Variants in NMU observed in about 807,000 individuals in gnomAD.
The protein encoded by NMU is neuromedin-U.
NMU carries 29 observed loss-of-function variants against 35.4 expected under a neutral mutation model. The ratio of observed to expected loss-of-function variants is 0.82; its 90% CI spans 0.61 to 1.12. NMU has a LOEUF of 1.12. Among genes scored for constraint, NMU ranks in the 50% most tolerant of loss-of-function variants. The pLI is 0.00. For missense variants in NMU, 199 were observed against 206.2 expected, an observed-to-expected ratio of 0.97 and a Z score of 0.21; for synonymous variants, 78 against 81.3, an observed-to-expected ratio of 0.96 and a Z score of 0.22.
chr4:55,605,262 T>TTG lies in NMU; in HGVS notation c.435+11_435+12dup, dbSNP rs1398602887. 1.9e-6 allele frequency: 3 copies of TTG among 1,589,790 alleles called. No homozygotes were observed. The South Asian group carries it at 3.3e-5, about 18-fold the overall frequency. The stretch of plus-strand genomic sequence containing the variant: ...CGGAATGGCAAAGCCAGCATGCAGT[T>TTG]TGTATTACATACGTCCACTCTGAAT... On this transcript the variant is annotated intron_variant, in intron 7 of 9. Coordinates refer to ENST00000264218, the MANE Select transcript of NMU (RefSeq NM_006681.4).
In NMU at chr4:55,636,270, G is replaced by T; in HGVS notation, c.-78C>A. 1 of 1,402,186 alleles carries T rather than the reference G, an allele frequency of 7.1e-7. No homozygotes were observed. The allele number at this position is 1,402,186 out of a possible 1,614,324, so 86.9% of individuals were successfully genotyped here. A position where few individuals can be genotyped will look rare whatever the true frequency, so the allele number is the denominator to read the frequency against. ...AGCTGGTGCTCCACCTGGTGCCCTG[G>T]CTGTGCCTCGGGGCCCGGACACAGG... On this transcript the variant is annotated 5_prime_UTR_variant, in exon 1 of 10. Transcript: ENST00000264218. The surrounding 1 kb of genome is among the most constrained non-coding windows in gnomAD (Gnocchi z 4.0).
intron 3 of NMU, among the ~76,000 whole-genome samples, chr4:55,612,021 G>A (rs1416660036): frequency 6.6e-6 from 1 of 152,206 alleles, no homozygotes. Flanking sequence ...CTTCTGATTT[G>A]TAGATATTAT....
chr4:55,604,027 A>ATATATATGTATATATACATGTGTATAT (rs1733567304), intron 7 of NMU, among the ~76,000 whole-genome samples: 1 of 29,002 alleles, frequency 3.4e-5, no homozygotes, highest in African/African-American at 1.0e-4. Context: ...GTATATATAT[A>ATATATATGTATATATACATGTGTATAT]ATCCTAGAAA....
At chr4:55,605,820 C>T (rs1470850717) in intron 6 of NMU, among the ~76,000 whole-genome samples, 2 of 152,144 alleles carry the variant, frequency 1.3e-5, no homozygotes, top group Admixed American at 6.5e-5. Flanking sequence ...ATACTTAAAA[C>T]GGAAACGTTG....
intron 2 of NMU, among the ~76,000 whole-genome samples, chr4:55,618,058 GGCTCTAAT>G (rs1455191332): frequency 1.3e-5 from 2 of 152,140 alleles, no homozygotes; most frequent in Non-Finnish European, 2.9e-5. Flanking sequence ...CTCAGCATAT[GGCTCTAAT>G]GGTTTTGAAT....
At chr4:55,604,679 A>ATTTTTTCTTTTTTTTTT in intron 7 of NMU, among the ~76,000 whole-genome samples, 1 of 47,610 alleles carries the variant, frequency 2.1e-5, no homozygotes, top group Admixed American at 3.9e-4. Flanking sequence ...TGCCTGGCTA[A>ATTTTTTCTTTTTTTTTT]TTTTTTTTTT....
chr4:55,606,960 G>A (rs1733706733), intron 6 of NMU, among the ~76,000 whole-genome samples: 1 of 152,090 alleles, frequency 6.6e-6, no homozygotes, highest in South Asian at 2.1e-4. Context: ...TTACAGGCAT[G>A]AGCCACCATA....
chr4:55,597,216 ATAT>A (rs1733219541), intron 9 of NMU, among the ~76,000 whole-genome samples: 2 of 151,942 alleles, frequency 1.3e-5, no homozygotes, highest in South Asian at 4.1e-4. Context: ...TTTTGTATTA[ATAT>A]TATGCTGGCT....
intron 1 of NMU, among the ~76,000 whole-genome samples, chr4:55,634,006 C>T (rs570469408): frequency 2.0e-5 from 3 of 151,850 alleles, no homozygotes; most frequent in African/African-American, 4.9e-5. Context: ...CCTTTATCTT[C>T]GCATGGCCAT....
chr4:55,636,315 G>A, upstream of NMU: 12 of 1,322,112 alleles, frequency 9.1e-6, no homozygotes, highest in South Asian at 1.8e-4. This position sits in a 1 kb window ranked among gnomAD's most constrained non-coding sequence, Gnocchi z 4.0. Context: ...CCGGCGAGCC[G>A]CCAACTTTTA....
At chr4:55,633,836 T>C (rs1367178000) in intron 1 of NMU, among the ~76,000 whole-genome samples, 1 of 152,228 alleles carries the variant, frequency 6.6e-6, no homozygotes, top group Non-Finnish European at 1.5e-5. Context: ...ACTCCTTAAC[T>C]TAGTCTTGAC....
chr4:55,627,710 A>G (rs990511685), intron 2 of NMU, among the ~76,000 whole-genome samples: 7 of 152,206 alleles, frequency 4.6e-5, no homozygotes, highest in Non-Finnish European at 7.3e-5. Context: ...TATTGGTATT[A>G]TATCCAAAAT....
At chr4:55,608,734 C>T (rs1323485967) in intron 4 of NMU, among the ~76,000 whole-genome samples, 2 of 151,566 alleles carry the variant, frequency 1.3e-5, no homozygotes, top group African/African-American at 4.9e-5. Flanking sequence ...TAATGCCCTA[C>T]TCTCCCACAA....
At position 55,608,686 on chromosome 4, in the gene NMU, A is replaced by ACAATG. The variant is rs370973239; in HGVS notation, c.279+429_279+433dup. Among the ~76,000 whole-genome samples the ACAATG allele has an allele frequency of 1.7e-3, 264 of 151,310 alleles. 1 individual carries two copies. The highest frequency in any genetic ancestry group is 6.1e-3 in the African/African-American group (251 of 41,308). ...CAGGTAATTTTAATAAGAAACCAAGACAATGACAATACAGTTTGCTTTTTT... is the reference window on the plus strand; with the variant it reads ...CAGGTAATTTTAATAAGAAACCAAGACAATGCAATGACAATACAGTTTGCTTTTTT... On this transcript the variant is annotated intron_variant, in intron 4 of 9. Transcript: ENST00000264218.
chr4:55,616,396 C>T lies in NMU; in HGVS notation c.172-11G>A. The T allele has an allele frequency of 6.2e-7, 1 of 1,605,276 alleles. No individual in the cohort carries two copies. Among genetic ancestry groups the T allele is most frequent in the Non-Finnish European group, 8.5e-7 (1 of 1,172,108 alleles). Reference sequence around the variant, plus strand: ...ACAAGTATCATCTATCTGTAGAAAACAAAAATGTCAGTTACATCCTGGGAA... The same window carrying T: ...ACAAGTATCATCTATCTGTAGAAAATAAAAATGTCAGTTACATCCTGGGAA... On this transcript the variant is annotated splice_polypyrimidine_tract_variant and intron_variant, in intron 2 of 9. Transcript: ENST00000264218.
intron 9 of NMU, among the ~76,000 whole-genome samples, 182 bp downstream of exon 9, chr4:55,598,960 C>A (rs540963305): frequency 3.3e-5 from 5 of 152,150 alleles, no homozygotes; most frequent in Non-Finnish European, 7.4e-5. Flanking sequence ...AAAGCCCTTA[C>A]AGCTCCTATC....
At chr4:55,618,756 TC>T (rs1734225776) in intron 2 of NMU, among the ~76,000 whole-genome samples, 1 of 124,916 alleles carries the variant, frequency 8.0e-6, no homozygotes, top group African/African-American at 2.8e-5. Flanking sequence ...TCTCTTTCTT[TC>T]TTCTCTCTCT....
chr4:55,602,423 A>G (rs1733464729), intron 7 of NMU, among the ~76,000 whole-genome samples: 1 of 152,190 alleles, frequency 6.6e-6, no homozygotes, highest in Admixed American at 6.6e-5. Flanking sequence ...ACTGGCTGCA[A>G]AATACCCTTA....
Position 55,607,282 on chromosome 4 carries a change from T to C in NMU, c.360+16A>G, listed in dbSNP as rs1051162227. ...ACAAATATTAGTGATTACTAAGAAG[T>C]AGTTCTACAACTTACCACAACATTT... On this transcript the variant is annotated intron_variant, in intron 6 of 9. Coordinates refer to ENST00000264218, the MANE Select transcript of NMU (RefSeq NM_006681.4). 9.6e-6 allele frequency: 15 copies of C among 1,556,482 alleles called. No homozygotes were observed. Among genetic ancestry groups the C allele is most frequent in the Non-Finnish European group, 1.2e-5 (14 of 1,128,032 alleles).
Sources: gnomAD v4.1 joint callset for allele counts (sites outside exome capture counted in the v4.1 genomes callset) on GRCh38, gnomAD v4.1.1 for gene constraint, Gnocchi (gnomAD v3.1) non-coding constraint, MANE v1.5 for transcripts, NCBI Gene and HGNC (gene_info 2026-07-23, HGNC 2026-07-21) for gene names.